Variants in NNMT observed in about 807,000 individuals in gnomAD.
NNMT encodes the protein nicotinamide N-methyltransferase.
A neutral mutation model predicts 11.7 loss-of-function variants in NNMT; 10 were observed. The observed-to-expected ratio is 0.85, with a 90% CI of 0.53 to 1.45. The LOEUF (loss-of-function observed/expected upper bound fraction) is 1.45. NNMT is among the 40% of genes most tolerant of loss of function. NNMT has a pLI of 0.00. For missense variants in NNMT, 381 were observed against 319.4 expected, an observed-to-expected ratio of 1.19 and a Z score of -1.47; for synonymous variants, 143 against 133.8, an observed-to-expected ratio of 1.07 and a Z score of -0.48.
At position 114,284,719 on chromosome 11, in the gene NNMT, C is replaced by T. The variant is rs150351232; in HGVS notation, c.-129-11709C>T. Among the ~76,000 whole-genome samples the T allele has an allele frequency of 8.8e-3, 1,333 of 151,416 alleles. 21 individuals are homozygous for T. Among genetic ancestry groups the T allele is most frequent in the African/African-American group, 0.031 (1,278 of 41,232 alleles). ...CCTTGTGATATGCCCACCTTGGCCT[C>T]CCAAAGTGCTGAGATGACAGGCGTG... On this transcript the variant is annotated intron_variant, in intron 2 of 4. Coordinates refer to the NNMT transcript ENST00000535401.
In NNMT at chr11:114,275,174, C is replaced by T. The variant is rs140293958; in HGVS notation, c.-130+12240C>T. ...ACTATTGAAGAGCTGTAAAGAGTAA[C>T]CCTTTAAGTGCTAGTCCTTATTCAT... On this transcript the variant is annotated intron_variant, in intron 2 of 4. Coordinates refer to the NNMT transcript ENST00000535401. 2.5e-4 allele frequency among the ~76,000 whole-genome samples: 38 copies of T among 152,168 alleles called. No individual in the cohort carries two copies. The East Asian group carries it at 6.7e-3, about 27-fold the overall frequency.
chr11:114,268,221 T>G (rs1945137056), intron 2 of NNMT, among the ~76,000 whole-genome samples: 1 of 152,202 alleles, frequency 6.6e-6, no homozygotes, highest in Admixed American at 6.5e-5. Flanking sequence ...ACAGTGACCT[T>G]GTTTCCTCTT....
At chr11:114,274,155 G>A (rs889346222) in intron 2 of NNMT, among the ~76,000 whole-genome samples, 1 of 152,180 alleles carries the variant, frequency 6.6e-6, no homozygotes, top group South Asian at 2.1e-4. Context: ...ATTCCCAAGT[G>A]GTTGACTCTC....
At chr11:114,295,298 G>T (rs576950802), upstream of NNMT, among the ~76,000 whole-genome samples, 43 of 152,250 alleles carry the variant, frequency 2.8e-4, no homozygotes, top group Non-Finnish European at 5.0e-4. Flanking sequence ...GTGAGGTAGT[G>T]GTGTGGGTTT....
At position 114,312,275 on chromosome 11, in the gene NNMT, C is replaced by T. The variant is rs375954126; in HGVS notation, c.593C>T (p.Ala198Val). ...KPGGFLVIMD[A>V]LKSSYYMIGE... ...GGGGGCTTCCTGGTGATCATGGATGCGCTCAAGAGCAGCTACTACATGATT... is the reference window on the plus strand; with the variant it reads ...GGGGGCTTCCTGGTGATCATGGATGTGCTCAAGAGCAGCTACTACATGATT... Residue 198 changes from alanine to valine, a missense_variant, in exon 3 of 3, where the codon GCG becomes GTG. Physicochemically the swap from Ala to Val is moderately conservative, Grantham distance 64. Transcript: ENST00000299964. 8.0e-5 allele frequency: 129 copies of T among 1,614,208 alleles called. 1 individual carries two copies. Among genetic ancestry groups the T allele is most frequent in the South Asian group, 2.7e-4 (25 of 91,088 alleles).
intron 2 of NNMT, among the ~76,000 whole-genome samples, chr11:114,269,155 C>T (rs1945149189): frequency 6.6e-6 from 1 of 152,186 alleles, no homozygotes; most frequent in Non-Finnish European, 1.5e-5. Context: ...CCGTTTAGCT[C>T]CAGACTCTGT....
At chr11:114,282,428 C>T (rs773276991) in intron 2 of NNMT, among the ~76,000 whole-genome samples, 1 of 151,970 alleles carries the variant, frequency 6.6e-6, no homozygotes, top group African/African-American at 2.4e-5. Context: ...AGGAAAAAGT[C>T]TAAAGACAAA....
At chr11:114,281,012 G>A (rs1220767093) in intron 2 of NNMT, among the ~76,000 whole-genome samples, 1 of 152,192 alleles carries the variant, frequency 6.6e-6, no homozygotes, top group Non-Finnish European at 1.5e-5. Flanking sequence ...CTCCACCACA[G>A]AAGCTGAGGC....
chr11:114,281,305 A>G (rs7107663), intron 2 of NNMT, among the ~76,000 whole-genome samples: 6,229 of 152,248 alleles, frequency 0.041, 339 homozygotes, highest in African/African-American at 0.12. Flanking sequence ...GAGGAATACA[A>G]AGATGAATGG....
chr11:114,280,277 A>G (rs1248479056), intron 2 of NNMT, among the ~76,000 whole-genome samples: 1 of 152,104 alleles, frequency 6.6e-6, no homozygotes, highest in Non-Finnish European at 1.5e-5. Context: ...CCTGGGGCAG[A>G]GGGCTGGAGG....
At chr11:114,310,094 T>C (rs1222692219) in intron 2 of NNMT, among the ~76,000 whole-genome samples, 6 of 152,256 alleles carry the variant, frequency 3.9e-5, no homozygotes, top group Non-Finnish European at 7.3e-5. Flanking sequence ...TTTGTATGGA[T>C]ATATGTTTTC....
chr11:114,287,734 T>C (rs943441847), intron 2 of NNMT, among the ~76,000 whole-genome samples: 7 of 152,216 alleles, frequency 4.6e-5, no homozygotes, highest in Non-Finnish European at 1.0e-4. Context: ...CTTGGCACTG[T>C]CATATAAATT....
chr11:114,288,441 CTT>C (rs71063558), intron 2 of NNMT, among the ~76,000 whole-genome samples: 7 of 144,370 alleles, frequency 4.8e-5, no homozygotes, highest in East Asian at 2.0e-4. Flanking sequence ...TAAGCTTTTT[CTT>C]TTTTTTTTTT....
At chr11:114,277,145 C>T (rs1259841987) in intron 2 of NNMT, among the ~76,000 whole-genome samples, 1 of 151,968 alleles carries the variant, frequency 6.6e-6, no homozygotes, top group African/African-American at 2.4e-5. Context: ...ATCTCTTGAA[C>T]CCGGGAGGTG....
intron 1 of NNMT, among the ~76,000 whole-genome samples, chr11:114,261,018 G>A (rs994907159): frequency 1.3e-5 from 2 of 152,190 alleles, no homozygotes; most frequent in Admixed American, 6.5e-5. Flanking sequence ...GAGTAACGAC[G>A]TGAATCAGCT....
chr11:114,276,315 G>C (rs1167655344), intron 2 of NNMT, among the ~76,000 whole-genome samples: 1 of 152,076 alleles, frequency 6.6e-6, no homozygotes. Flanking sequence ...GTTGGAGAAG[G>C]CTCAGCAGGC....
intron 2 of NNMT, among the ~76,000 whole-genome samples, chr11:114,284,173 G>A (rs1329027054): frequency 2.6e-5 from 4 of 152,198 alleles, no homozygotes; most frequent in African/African-American, 7.2e-5. Flanking sequence ...AGGATATTAG[G>A]GAGGCTCCAC....
At chr11:114,289,082 A>G (rs1172835795) in intron 2 of NNMT, among the ~76,000 whole-genome samples, 1 of 152,216 alleles carries the variant, frequency 6.6e-6, no homozygotes, top group Non-Finnish European at 1.5e-5. Flanking sequence ...TTTTCCATTT[A>G]AATTCTTTAA....
chr11:114,309,952 C>T (rs1162478100), intron 2 of NNMT, among the ~76,000 whole-genome samples: 1 of 152,124 alleles, frequency 6.6e-6, no homozygotes, highest in Admixed American at 6.6e-5. Flanking sequence ...TAGCATGTGT[C>T]AGAATTTCAT....
Sources: allele counts gnomAD v4.1 joint callset (sites outside exome capture counted in the v4.1 genomes callset), GRCh38; gene constraint gnomAD v4.1.1; transcripts MANE v1.5; gene names NCBI Gene and HGNC (gene_info 2026-07-23, HGNC 2026-07-21).